The following HSD17B7 variants were observed in gnomAD, a reference collection of about 807,000 sequenced individuals.
HSD17B7 encodes the protein hydroxysteroid 17-beta dehydrogenase 7, also known as 3-keto-steroid reductase/17-beta-hydroxysteroid dehydrogenase 7.
HSD17B7 carries 17 observed loss-of-function variants against 34.1 expected under a neutral mutation model. The ratio of observed to expected loss-of-function variants is 0.50; its 90% CI spans 0.34 to 0.75. The LOEUF is 0.75. HSD17B7 is among the 30% of genes least tolerant of loss of function. The probability of loss-of-function intolerance (pLI) is 0.01; values close to 1 mark genes in which losing one functional copy is unlikely to be tolerated. For missense variants in HSD17B7, 296 were observed against 406.6 expected (o/e 0.73, Z 2.34); for synonymous variants, 122 against 154.6 (o/e 0.79, Z 1.56).
chr1:162,795,534 G>A (rs1648572556), intron 2 of HSD17B7: 3 of 384,482 alleles, frequency 7.8e-6, no homozygotes, highest in Non-Finnish European at 1.0e-5. Flanking sequence ...CTATCTTTGT[G>A]GCACTTACAT....
chr1:162,798,618 GAT>G (rs2102232342), intron 4 of HSD17B7: 1 of 155,026 alleles, frequency 6.5e-6, no homozygotes, highest in South Asian at 1.8e-4. Context: ...TATTAACCTT[GAT>G]CACCTGGCTT....
chr1:162,811,037 C>T (rs1305020085), intron 8 of HSD17B7, among the ~76,000 whole-genome samples: 1 of 152,182 alleles, frequency 6.6e-6, no homozygotes, highest in Non-Finnish European at 1.5e-5. Context: ...CAGTTTCTTC[C>T]TAGCATCGCT....
chr1:162,794,152 G>T (rs999905041), intron 2 of HSD17B7, among the ~76,000 whole-genome samples: 1 of 152,112 alleles, frequency 6.6e-6, no homozygotes, highest in Non-Finnish European at 1.5e-5. Flanking sequence ...TGCTGCCCTA[G>T]GGCTATCTGG....
rs962114315 is a variant in HSD17B7 at position 162,798,225 on chromosome 1, A to G, written c.447+309A>G. ...TTAACATTTCGCATTGGTATGATGC[A>G]TTTGTCAAAATAGATGAATCAATTC... On this transcript the variant is annotated intron_variant, in intron 4 of 8. Coordinates refer to ENST00000254521, the MANE Select transcript of HSD17B7 (RefSeq NM_016371.4). The G allele has an allele frequency of 3.2e-5, 10 of 309,800 alleles. No individual in the cohort carries two copies. The Admixed American group carries it at 3.3e-4, about 10-fold the overall frequency. The allele number at this position is 309,800 out of a possible 1,614,324, so 19.2% of individuals were successfully genotyped here.
In HSD17B7 at chr1:162,805,379, A is replaced by G. The variant is rs1648946095; in HGVS notation, c.805-15A>G. The G allele has an allele frequency of 6.2e-7, 1 of 1,612,064 alleles. No individual in the cohort carries two copies. Among genetic ancestry groups the G allele is most frequent in the Non-Finnish European group, 8.5e-7 (1 of 1,178,812 alleles). Reference sequence around the variant, plus strand: ...GGCAGAAGAAACAAATCATTGACACATCCTTCCTTTCCAGGTATGGCTTTT... The same window carrying G: ...GGCAGAAGAAACAAATCATTGACACGTCCTTCCTTTCCAGGTATGGCTTTT... On this transcript the variant is annotated splice_polypyrimidine_tract_variant and intron_variant, in intron 7 of 8. Coordinates refer to ENST00000254521, the MANE Select transcript of HSD17B7 (RefSeq NM_016371.4).
intron 8 of HSD17B7, among the ~76,000 whole-genome samples, chr1:162,810,144 G>A (rs1649126646): frequency 6.6e-6 from 1 of 152,158 alleles, no homozygotes; most frequent in Non-Finnish European, 1.5e-5. Flanking sequence ...ATTCTGGTGT[G>A]TTGTGTCTTT....
At chr1:162,795,299 T>G (rs1283732292) in intron 2 of HSD17B7, among the ~76,000 whole-genome samples, 4 of 152,324 alleles carry the variant, frequency 2.6e-5, no homozygotes, top group South Asian at 2.1e-4. Flanking sequence ...TTCTATTAGA[T>G]AGTGCAGATG....
chr1:162,809,555 T>C (rs890065094), intron 8 of HSD17B7, among the ~76,000 whole-genome samples: 1 of 151,912 alleles, frequency 6.6e-6, no homozygotes, highest in African/African-American at 2.4e-5. Flanking sequence ...TACCATCTCC[T>C]TGTACCTCTG....
chr1:162,809,069 A>T (rs1251591798), intron 8 of HSD17B7, among the ~76,000 whole-genome samples: 1 of 152,178 alleles, frequency 6.6e-6, no homozygotes, highest in African/African-American at 2.4e-5. Flanking sequence ...GAATGCTTCT[A>T]GTTTTTGCCC....
chr1:162,800,217 T>C, intron 5 of HSD17B7: 2 of 566,178 alleles, frequency 3.5e-6, no homozygotes, highest in Non-Finnish European at 6.7e-6. Context: ...TTTCAGGTGC[T>C]GTATTCGTCT....
intron 7 of HSD17B7, among the ~76,000 whole-genome samples, chr1:162,805,143 C>T (rs562076018): frequency 3.2e-4 from 49 of 152,286 alleles, no homozygotes; most frequent in Non-Finnish European, 5.9e-4. Context: ...GGCTTTGATG[C>T]TCTTGTTTTG....
intron 4 of HSD17B7, among the ~76,000 whole-genome samples, chr1:162,799,159 G>A (rs368103261): frequency 2.1e-4 from 32 of 151,714 alleles, no homozygotes; most frequent in African/African-American, 6.5e-4. Context: ...TAATTCAGTC[G>A]TTTATTATAT....
At chr1:162,808,164 C>G (rs1201073720) in intron 8 of HSD17B7, among the ~76,000 whole-genome samples, 4 of 152,148 alleles carry the variant, frequency 2.6e-5, no homozygotes, top group Non-Finnish European at 5.9e-5. Flanking sequence ...AGGAAGGGAT[C>G]GAGTTTCAGC....
rs745859149 is a variant in HSD17B7, at chr1:162,790,756, A to G, written c.-45A>G. On this transcript the variant is annotated 5_prime_UTR_variant, in exon 1 of 9. Transcript: ENST00000254521. ...CCGAAATCGTAGGACTTCCGAAAGC[A>G]GCGGCGGTGTTTGCTTCACTGCTTG... 7 of 1,261,952 alleles carry G rather than the reference A, an allele frequency of 5.5e-6. No individual in the cohort carries two copies. In the South Asian group the frequency reaches 8.8e-5, roughly 16 times the overall value. The allele number at this position is 1,261,952 out of a possible 1,614,324, so 78.2% of individuals were successfully genotyped here. A position where few individuals can be genotyped will look rare whatever the true frequency, so the allele number is the denominator to read the frequency against.
chr1:162,797,497 C>T, intron 3 of HSD17B7: 1 of 244,762 alleles, frequency 4.1e-6, no homozygotes, highest in Non-Finnish European at 7.9e-6. Flanking sequence ...AACAGTTTAC[C>T]TGTAACCTGA....
intron 6 of HSD17B7, among the ~76,000 whole-genome samples, chr1:162,804,060 A>G (rs1648903171): frequency 6.6e-6 from 1 of 152,254 alleles, no homozygotes; most frequent in African/African-American, 2.4e-5. Flanking sequence ...AGTAAAGATC[A>G]GAAGTAAATA....
intron 2 of HSD17B7, 141 bp from the exon 3 acceptor site, chr1:162,796,444 G>T: frequency 2.0e-6 from 1 of 508,100 alleles, no homozygotes. Context: ...TGAACTTGCT[G>T]TGGCTAATAT....
chr1:162,805,675 C>T (rs899083315), intron 8 of HSD17B7, among the ~76,000 whole-genome samples, 183 bp downstream of exon 8: 5 of 152,174 alleles, frequency 3.3e-5, no homozygotes, highest in African/African-American at 4.8e-5. Flanking sequence ...CTTATTCCCC[C>T]GACTTGAGCT....
chr1:162,801,676 C>T (rs1648821429), intron 5 of HSD17B7, among the ~76,000 whole-genome samples: 1 of 152,092 alleles, frequency 6.6e-6, no homozygotes, highest in Non-Finnish European at 1.5e-5. Flanking sequence ...GGTGTCAGTG[C>T]ATGTGGGCTG....
Sources: allele counts gnomAD v4.1 joint callset (sites outside exome capture counted in the v4.1 genomes callset), GRCh38; gene constraint gnomAD v4.1.1; transcripts MANE v1.5; gene names NCBI Gene and HGNC (gene_info 2026-07-23, HGNC 2026-07-21).